Variants in VAPB observed in about 807,000 individuals in gnomAD.
The protein encoded by VAPB is vesicle-associated membrane protein-associated protein B/C.
A neutral mutation model predicts 25.6 loss-of-function variants in VAPB; 7 were observed. That is an observed-to-expected ratio of 0.27 (90% CI 0.16 to 0.51). The LOEUF is 0.51. VAPB is among the 20% of genes least tolerant of loss of function. VAPB has a pLI of 0.97. For missense variants in VAPB, 266 were observed against 301.3 expected (o/e 0.88, Z 0.87); for synonymous variants, 112 against 109.2 (o/e 1.03, Z -0.16).
chr20:58,427,292 T>C (rs1988814932), intron 2 of VAPB, among the ~76,000 whole-genome samples: 1 of 142,420 alleles, frequency 7.0e-6, no homozygotes, highest in African/African-American at 2.6e-5. Flanking sequence ...GCGAAAGTGA[T>C]CTGTGATCTG....
chr20:58,395,147 A>T lies in VAPB; in HGVS notation c.58+5630A>T, dbSNP rs1319550656. ...TTTTACATAAAGAATTATCTCCAAA[A>T]GTGTCTTTTTTTTTTTTTTTTTTGA... is the stretch of plus-strand genomic sequence containing the variant. On this transcript the variant is annotated intron_variant, in intron 1 of 5. Coordinates refer to ENST00000475243, the MANE Select transcript of VAPB (RefSeq NM_004738.5). Among the ~76,000 whole-genome samples the T allele has an allele frequency of 2.1e-5, 3 of 145,378 alleles. No individual in the cohort carries two copies. The South Asian group carries it at 6.4e-4, about 31-fold the overall frequency.
intron 1 of VAPB, among the ~76,000 whole-genome samples, chr20:58,402,461 A>G (rs557818590): frequency 1.3e-5 from 2 of 151,206 alleles, no homozygotes; most frequent in Admixed American, 6.6e-5. Flanking sequence ...CTTCACTCAC[A>G]TTGTATCTGT....
chr20:58,448,426 A>T lies in VAPB; in HGVS notation c.*4191A>T. On this transcript the variant is annotated 3_prime_UTR_variant, in exon 6 of 6. Coordinates refer to ENST00000475243, the MANE Select transcript of VAPB (RefSeq NM_004738.5). ...ATGCCACTCCTTACCTGTATAGAAC[A>T]TTTCCAATACATTCGCTCATTGAAC... 2.2e-6 allele frequency: 1 copy of T among 454,106 alleles called. No individual in the cohort carries two copies. The highest frequency in any genetic ancestry group is 1.6e-5 in the South Asian group (1 of 64,474). The allele number at this position is 454,106 out of a possible 1,614,324, so 28.1% of individuals were successfully genotyped here. A position where few individuals can be genotyped will look rare whatever the true frequency, so the allele number is the denominator to read the frequency against.
intron 1 of VAPB, among the ~76,000 whole-genome samples, chr20:58,397,517 C>A (rs1418913000): frequency 1.4e-5 from 2 of 141,104 alleles, no homozygotes; most frequent in Non-Finnish European, 3.0e-5. Flanking sequence ...AAAACTCTGT[C>A]TCAAAAAAAA....
intron 2 of VAPB, among the ~76,000 whole-genome samples, chr20:58,423,224 C>T (rs1988704207): frequency 6.6e-6 from 1 of 151,558 alleles, no homozygotes; most frequent in Non-Finnish European, 1.5e-5. Context: ...CCATCCTGAC[C>T]AACATGGAGA....
intron 2 of VAPB, among the ~76,000 whole-genome samples, chr20:58,419,026 A>G (rs6128337): frequency 0.22 from 32,956 of 152,148 alleles, 4,409 homozygotes; most frequent in South Asian, 0.42. Flanking sequence ...GATGTCAGTG[A>G]TGGGTTGGAG....
In VAPB at chr20:58,445,454, A is replaced by T. The variant is rs1300763132; in HGVS notation, c.*1219A>T. The T allele has an allele frequency of 4.4e-6, 2 of 454,354 alleles. No homozygotes were observed. Among genetic ancestry groups the T allele is most frequent in the East Asian group, 1.4e-4 (2 of 14,376 alleles). 28.1% of individuals were successfully genotyped at this position (454,354 alleles called of 1,614,324 possible). On this transcript the variant is annotated 3_prime_UTR_variant, in exon 6 of 6. Coordinates refer to ENST00000475243, the MANE Select transcript of VAPB (RefSeq NM_004738.5). ...CCTTCTAGTACTAGTTGAGAGTTTG[A>T]CTGTGAATTAATTTTATGCCATAAA...
chr20:58,390,710 A>G (rs775376058), intron 1 of VAPB, among the ~76,000 whole-genome samples: 12 of 152,150 alleles, frequency 7.9e-5, no homozygotes, highest in Non-Finnish European at 1.6e-4. Context: ...GGTATTTATG[A>G]ATGAATGAAT....
At position 58,445,316 on chromosome 20, in the gene VAPB, T is replaced by C. The variant is rs2123107176; in HGVS notation, c.*1081T>C. Reference sequence around the variant, plus strand: ...GTCCAAGTCTGAGCCTGACCTCCCCTTGGGGACCTAGCCTGGAGTCAGGAC... The same window carrying C: ...GTCCAAGTCTGAGCCTGACCTCCCCCTGGGGACCTAGCCTGGAGTCAGGAC... On this transcript the variant is annotated 3_prime_UTR_variant, in exon 6 of 6. Coordinates refer to ENST00000475243, the MANE Select transcript of VAPB (RefSeq NM_004738.5). 1 of 454,424 alleles carries C rather than the reference T, an allele frequency of 2.2e-6. No individual in the cohort carries two copies. The highest frequency in any genetic ancestry group is 4.4e-6 in the Non-Finnish European group (1 of 226,712). The allele number at this position is 454,424 out of a possible 1,614,324, so 28.1% of individuals were successfully genotyped here.
intron 1 of VAPB, among the ~76,000 whole-genome samples, chr20:58,397,275 G>A (rs6100053): frequency 6.6e-6 from 1 of 151,760 alleles, no homozygotes; most frequent in South Asian, 2.1e-4. Flanking sequence ...ATCCCAGCAC[G>A]TTGGGAGGCT....
chr20:58,445,629 G>A lies in VAPB; in HGVS notation c.*1394G>A, dbSNP rs1989266405. On this transcript the variant is annotated 3_prime_UTR_variant, in exon 6 of 6. Coordinates refer to ENST00000475243, the MANE Select transcript of VAPB (RefSeq NM_004738.5). ...CATTTTTATTATTTTGCCATTGGAA[G>A]GTTAACTTTAAAATGAGCCCTATCA... 1 of 453,856 alleles carries A rather than the reference G, an allele frequency of 2.2e-6. No individual in the cohort carries two copies. Among genetic ancestry groups the A allele is most frequent in the Non-Finnish European group, 4.4e-6 (1 of 226,746 alleles). The allele number at this position is 453,856 out of a possible 1,614,324, so 28.1% of individuals were successfully genotyped here. A position where few individuals can be genotyped will look rare whatever the true frequency, so the allele number is the denominator to read the frequency against.
At chr20:58,432,191 G>A (rs1192679949) in intron 2 of VAPB, among the ~76,000 whole-genome samples, 8 of 152,112 alleles carry the variant, frequency 5.3e-5, no homozygotes, top group African/African-American at 1.9e-4. Flanking sequence ...GGCAGGCAGA[G>A]CTTCCTGGGG....
At chr20:58,406,384 A>T (rs1244926466) in intron 1 of VAPB, among the ~76,000 whole-genome samples, 1 of 152,270 alleles carries the variant, frequency 6.6e-6, no homozygotes, top group Non-Finnish European at 1.5e-5. Context: ...CAAGTCTCAC[A>T]GCCTTTCCCC....
At position 58,445,119 on chromosome 20, in the gene VAPB, A is replaced by G. The variant is rs3746398; in HGVS notation, c.*884A>G. 1.7e-4 allele frequency: 76 copies of G among 454,362 alleles called. 4 individuals are homozygous for G. The East Asian group carries it at 5.2e-3, about 31-fold the overall frequency. The allele number at this position is 454,362 out of a possible 1,614,324, so 28.1% of individuals were successfully genotyped here. ...GGTGGGGTTTATTGGGATGCTGGAG[A>G]AGAGCTGCCAGGAAGTGTTTTTTCT... On this transcript the variant is annotated 3_prime_UTR_variant, in exon 6 of 6. Transcript: ENST00000475243.
rs192350144 is a variant in VAPB at position 58,414,844 on chromosome 20, A to G, written c.59-3367A>G. On this transcript the variant is annotated intron_variant, in intron 1 of 5. Coordinates refer to ENST00000475243, the MANE Select transcript of VAPB (RefSeq NM_004738.5). ...GGGTGGCGGCCGGGCAGAGGCTGCA[A>G]TCTCAGCACTCTGGGAGGCCAAGGC... Among the ~76,000 whole-genome samples the G allele has an allele frequency of 2.0e-5, 3 of 152,334 alleles. No individual in the cohort carries two copies. In the East Asian group the frequency reaches 5.8e-4, roughly 29 times the overall value.
chr20:58,441,603 C>T (rs1269444923), intron 5 of VAPB, among the ~76,000 whole-genome samples: 1 of 152,222 alleles, frequency 6.6e-6, no homozygotes, highest in Non-Finnish European at 1.5e-5. Context: ...GATCGTGCCA[C>T]TGCCCTCCAG....
At chr20:58,440,065 C>A (rs1989128308) in intron 4 of VAPB, 1 of 152,068 alleles carries the variant, frequency 6.6e-6, no homozygotes, top group Admixed American at 6.6e-5. Flanking sequence ...CTATCATTAC[C>A]CTGTTTCTTT....
chr20:58,410,987 C>T (rs1025189382), intron 1 of VAPB, among the ~76,000 whole-genome samples: 1 of 152,220 alleles, frequency 6.6e-6, no homozygotes, highest in Non-Finnish European at 1.5e-5. Flanking sequence ...CTGCTATAAA[C>T]ATCCATGTGC....
rs6015275 is a variant in VAPB, at chr20:58,449,533, C to T, written c.*5298C>T. The T allele has an allele frequency of 0.23, 104,619 of 453,638 alleles. 13,394 individuals carry two copies. The highest frequency in any genetic ancestry group is 0.32 in the East Asian group (4,531 of 14,370). 28.1% of individuals were successfully genotyped at this position (453,638 alleles called of 1,614,324 possible). On this transcript the variant is annotated 3_prime_UTR_variant, in exon 6 of 6. Coordinates refer to ENST00000475243, the MANE Select transcript of VAPB (RefSeq NM_004738.5). ...AAAAGTGTAGCAACAAAAATGTAGC[C>T]ATTATCTAACTTGCCATAAATATTT...
Sources: allele counts gnomAD v4.1 joint callset (sites outside exome capture counted in the v4.1 genomes callset), GRCh38; gene constraint gnomAD v4.1.1; transcripts MANE v1.5; gene names NCBI Gene and HGNC (gene_info 2026-07-23, HGNC 2026-07-21).